Variants in PPIG observed in about 807,000 individuals in gnomAD.
PPIG encodes the protein peptidyl-prolyl cis-trans isomerase G.
In PPIG, 26 loss-of-function variants were observed where a neutral mutation model predicts 87.9. That is an observed-to-expected ratio of 0.30 (90% confidence interval 0.22 to 0.41). The LOEUF (loss-of-function observed/expected upper bound fraction) is 0.41, where lower values mean the gene tolerates loss of function less well. Ranked by LOEUF, PPIG falls within the 10% of genes least tolerant of loss-of-function variation. The pLI, the probability that PPIG is intolerant of heterozygous loss-of-function variation, is 1.00. For synonymous variants in PPIG, 308 were observed against 276.5 expected (o/e 1.11, Z -1.13); for missense variants, 722 against 879.4 (o/e 0.82, Z 2.26).
In PPIG at chr2:169,606,873, T is replaced by C. The variant is rs114828704; in HGVS notation, c.245-231T>C. On this transcript the variant is annotated intron_variant, in intron 5 of 13. Transcript: ENST00000260970. ...TAATTAGAATCTGAAAGTTCTTTTT[T>C]AAAATATATTTTAATAGTCTTCGTC... Among the ~76,000 whole-genome samples, 99 of 152,296 alleles carry C rather than the reference T, an allele frequency of 6.5e-4. No individual in the cohort carries two copies. In the East Asian group the frequency reaches 0.015, roughly 23 times the overall value.
chr2:169,636,550 C>G lies in PPIG; in HGVS notation c.1292C>G (p.Ser431Cys), dbSNP rs765415648. The change falls in exon 14 of 14, where the codon TCT becomes TGT. Residue 431 changes from serine to cysteine, a missense_variant. Coordinates refer to ENST00000260970, the MANE Select transcript of PPIG (RefSeq NM_004792.3). Reference sequence around the variant, plus strand: ...GAGAAGAAAGTTAAAGACCATAAATCTAACAGCAAAGAGAGAGACATCAGA... The same window carrying G: ...GAGAAGAAAGTTAAAGACCATAAATGTAACAGCAAAGAGAGAGACATCAGA... ...EKEKKVKDHK[S>C]NSKERDIRRN... The G allele has an allele frequency of 5.6e-6, 9 of 1,608,984 alleles. No homozygotes were observed. The African/African-American group carries it at 8.1e-5, about 14-fold the overall frequency.
intron 1 of PPIG, among the ~76,000 whole-genome samples, chr2:169,600,944 A>G (rs912841129): frequency 6.7e-6 from 1 of 149,710 alleles, no homozygotes; most frequent in Non-Finnish European, 1.5e-5. Context: ...CCTTATACGT[A>G]AAGCTGAAGG....
intron 9 of PPIG, among the ~76,000 whole-genome samples, chr2:169,628,939 C>CAAAAAAAAAAAAA (rs71006010): frequency 1.8e-4 from 17 of 92,326 alleles, no homozygotes; most frequent in African/African-American, 6.1e-4. Flanking sequence ...ACCCTGTCTC[C>CAAAAAAAAAAAAA]AAAAAAAAAA....
intron 1 of PPIG, among the ~76,000 whole-genome samples, chr2:169,590,060 G>T (rs556043313): frequency 2.2e-4 from 33 of 150,824 alleles, no homozygotes; most frequent in Non-Finnish European, 4.3e-4. Flanking sequence ...GGTGAGCTGA[G>T]ATTGCACCAT....
At chr2:169,599,343 T>C (rs1011489311) in intron 1 of PPIG, among the ~76,000 whole-genome samples, 5 of 152,212 alleles carry the variant, frequency 3.3e-5, no homozygotes, top group African/African-American at 1.2e-4. Context: ...TCTTTTTTCA[T>C]GTGGCATTTA....
intron 9 of PPIG, among the ~76,000 whole-genome samples, chr2:169,624,391 G>C (rs766124729): frequency 2.0e-5 from 3 of 152,160 alleles, no homozygotes; most frequent in South Asian, 4.1e-4. Context: ...AGCAAACTGC[G>C]TAATCTAAAC....
Position 169,636,656 on chromosome 2 carries a change from G to A in PPIG, c.1398G>A (p.Glu466=). ...AKSKSRSKSK[E]KSKSKERDSK... ...CTAAAAGTAGGAGTAAGAGCAAAGA[G>A]AAATCAAAGAGTAAAGAAAGAGATT... The change falls in exon 14 of 14, where the codon GAG becomes GAA. Residue 466 remains glutamate, a synonymous_variant. Coordinates refer to ENST00000260970, the MANE Select transcript of PPIG (RefSeq NM_004792.3). The A allele has an allele frequency of 6.2e-7, 1 of 1,600,996 alleles. No individual in the cohort carries two copies. Among genetic ancestry groups the A allele is most frequent in the Non-Finnish European group, 8.5e-7 (1 of 1,176,952 alleles).
rs1040449665 is a variant in PPIG at position 169,640,435 on chromosome 2, T to G, written c.*2912T>G. 5.3e-5 allele frequency: 8 copies of G among 152,220 alleles called. No homozygotes were observed. Among genetic ancestry groups the G allele is most frequent in the African/African-American group, 1.9e-4 (8 of 41,454 alleles). 9.4% of individuals were successfully genotyped at this position (152,220 alleles called of 1,614,324 possible). On this transcript the variant is annotated 3_prime_UTR_variant, in exon 14 of 14. Transcript: ENST00000260970. Reference sequence around the variant, plus strand: ...ATTTTAGTTAGTATATGTAGCAAGTTAGTATGTTTGTTAGTAGTTTATTGT... The same window carrying G: ...ATTTTAGTTAGTATATGTAGCAAGTGAGTATGTTTGTTAGTAGTTTATTGT...
intron 1 of PPIG, chr2:169,585,030 CT>C: frequency 6.3e-6 from 1 of 159,954 alleles, no homozygotes; most frequent in Non-Finnish European, 1.4e-5. Flanking sequence ...CTCTTTCGAC[CT>C]TTTCCTCTCA....
chr2:169,639,177 C>T lies in PPIG; in HGVS notation c.*1654C>T, dbSNP rs757868462. ...GAATTCTTTCCAAAATTTTTTTTTC[C>T]GATGATAAAAGTAGTAGATGTTTAT... On this transcript the variant is annotated 3_prime_UTR_variant, in exon 14 of 14. Coordinates refer to ENST00000260970, the MANE Select transcript of PPIG (RefSeq NM_004792.3). 1 of 151,452 alleles carries T rather than the reference C, an allele frequency of 6.6e-6. No individual in the cohort carries two copies. The highest frequency in any genetic ancestry group is 1.5e-5 in the Non-Finnish European group (1 of 67,790). 9.4% of individuals were successfully genotyped at this position (151,452 alleles called of 1,614,324 possible). A position where few individuals can be genotyped will look rare whatever the true frequency, so the allele number is the denominator to read the frequency against.
chr2:169,589,174 C>G (rs2105469535), intron 1 of PPIG, among the ~76,000 whole-genome samples: 1 of 152,082 alleles, frequency 6.6e-6, no homozygotes, highest in African/African-American at 2.4e-5. Flanking sequence ...TGTAAGTTTT[C>G]TAGAGGATTT....
intron 9 of PPIG, among the ~76,000 whole-genome samples, chr2:169,618,392 CT>C (rs1216940366): frequency 1.3e-5 from 2 of 152,134 alleles, no homozygotes; most frequent in African/African-American, 4.8e-5. Flanking sequence ...AGGAGTCCCC[CT>C]TTTTCTATTG....
chr2:169,596,051 G>C (rs186894187), intron 1 of PPIG, among the ~76,000 whole-genome samples: 1 of 151,412 alleles, frequency 6.6e-6, no homozygotes, highest in African/African-American at 2.4e-5. Flanking sequence ...TGATCCACCC[G>C]CCTCGGCCTC....
intron 9 of PPIG, among the ~76,000 whole-genome samples, chr2:169,626,171 T>A (rs1159009020): frequency 1.3e-5 from 2 of 152,236 alleles, no homozygotes; most frequent in Non-Finnish European, 2.9e-5. Context: ...CAATATGCCT[T>A]AATCATATTT....
intron 9 of PPIG, among the ~76,000 whole-genome samples, chr2:169,625,576 G>T (rs1279212659): frequency 6.6e-6 from 1 of 152,044 alleles, no homozygotes; most frequent in Non-Finnish European, 1.5e-5. Flanking sequence ...TGTGATGTTA[G>T]TGTCTCCTTA....
intron 9 of PPIG, among the ~76,000 whole-genome samples, chr2:169,621,281 T>C (rs1281741624): frequency 6.6e-6 from 1 of 151,980 alleles, no homozygotes; most frequent in Non-Finnish European, 1.5e-5. Flanking sequence ...GAAGGCAAAA[T>C]GATTATTTAA....
intron 10 of PPIG, chr2:169,631,365 A>C (rs1195593985): frequency 3.7e-6 from 1 of 272,740 alleles, no homozygotes; most frequent in African/African-American, 2.3e-5. Context: ...ATGTCAGTGT[A>C]TTTTACTTTC....
intron 9 of PPIG, among the ~76,000 whole-genome samples, chr2:169,623,112 T>C (rs1685800291): frequency 6.6e-6 from 1 of 151,944 alleles, no homozygotes. Context: ...CCAGAGAAAA[T>C]TCAAAGTCAA....
intron 1 of PPIG, among the ~76,000 whole-genome samples, chr2:169,596,486 A>G (rs1174661778): frequency 5.3e-5 from 8 of 152,198 alleles, no homozygotes; most frequent in Admixed American, 5.2e-4. Context: ...TGCCAGAAGT[A>G]ATGCCAGCAG....
Sources: allele counts gnomAD v4.1 joint callset (sites outside exome capture counted in the v4.1 genomes callset), GRCh38; gene constraint gnomAD v4.1.1; transcripts MANE v1.5; gene names NCBI Gene and HGNC (gene_info 2026-07-23, HGNC 2026-07-21).